The following COL22A1 variants were observed in gnomAD, a reference collection of about 807,000 sequenced individuals.
The protein encoded by COL22A1 is collagen alpha-1(XXII) chain.
A neutral mutation model predicts 248.9 loss-of-function variants in COL22A1; 221 were observed. The observed-to-expected ratio is 0.89, with a 90% CI of 0.80 to 0.99. The LOEUF (loss-of-function observed/expected upper bound fraction) is 0.99. Ranked by LOEUF, COL22A1 falls within the 50% of genes least tolerant of loss-of-function variation. COL22A1 has a pLI of 0.00. For missense variants in COL22A1, 2,240 were observed against 2,179.0 expected (o/e 1.03, Z -0.56); for synonymous variants, 891 against 793.4 (o/e 1.12, Z -2.07).
intron 34 of COL22A1, 144 bp from the exon 35 acceptor site, chr8:138,693,843 G>A: frequency 1.2e-6 from 1 of 804,926 alleles, no homozygotes. Flanking sequence ...TCTAAAAGGT[G>A]AAGAAAATCA....
At chr8:138,771,819 G>C (rs904483045) in intron 16 of COL22A1, among the ~76,000 whole-genome samples, 1 of 152,220 alleles carries the variant, frequency 6.6e-6, no homozygotes, top group Non-Finnish European at 1.5e-5. Context: ...TGTGGCAGCT[G>C]TCCCAGTGGC....
At chr8:138,840,482 A>G (rs1218317976) in intron 4 of COL22A1, among the ~76,000 whole-genome samples, 1 of 151,990 alleles carries the variant, frequency 6.6e-6, no homozygotes, top group East Asian at 1.9e-4. Flanking sequence ...GATCCTCCAC[A>G]TATGTCGTAG....
chr8:138,819,907 T>C (rs1280904027), intron 7 of COL22A1, among the ~76,000 whole-genome samples: 1 of 151,942 alleles, frequency 6.6e-6, no homozygotes, highest in Non-Finnish European at 1.5e-5. Flanking sequence ...TTAATCTATA[T>C]CTCAAGCTTA....
chr8:138,652,939 GT>G (rs2130588532), intron 45 of COL22A1, among the ~76,000 whole-genome samples: 1 of 151,750 alleles, frequency 6.6e-6, no homozygotes, highest in Non-Finnish European at 1.5e-5. Flanking sequence ...TAGAGACGGG[GT>G]TTTCCCAAGT....
intron 23 of COL22A1, among the ~76,000 whole-genome samples, chr8:138,735,127 T>A (rs1476311335): frequency 6.6e-6 from 1 of 152,174 alleles, no homozygotes; most frequent in East Asian, 1.9e-4. Context: ...GGTACATGCA[T>A]ACCTACGTAA....
chr8:138,902,727 T>TAA (rs1814684484), intron 1 of COL22A1, among the ~76,000 whole-genome samples: 1 of 83,892 alleles, frequency 1.2e-5, no homozygotes, highest in African/African-American at 5.5e-5. Flanking sequence ...AATTTATAAA[T>TAA]ATATATATAT....
At chr8:138,761,185 T>G (rs1003415914) in intron 17 of COL22A1, among the ~76,000 whole-genome samples, 5 of 152,154 alleles carry the variant, frequency 3.3e-5, no homozygotes, top group Non-Finnish European at 2.9e-5. Context: ...TGTGCTGGGT[T>G]ATTGTTTTTT....
At chr8:138,885,569 GT>G (rs35187277) in intron 1 of COL22A1, among the ~76,000 whole-genome samples, 2 of 151,732 alleles carry the variant, frequency 1.3e-5, no homozygotes, top group African/African-American at 4.8e-5. Context: ...GTATCACACA[GT>G]TTTTTTTGTT....
In COL22A1 at chr8:138,591,459, C is replaced by T. The variant is rs1817041984; in HGVS notation, c.4658G>A (p.Gly1553Asp). The change falls in exon 64 of 65, where the codon GGC becomes GAC. Residue 1553 changes from glycine to aspartate, a missense_variant. Transcript: ENST00000303045. ...AGGGGGTCCCATCTCGCCTCGGAGG[C>T]CAACTCCAGGTGCACCTGGGTCACC... ...AKGDPGAPGV[G>D]LRGEMGPPGI... is the part of the protein sequence containing the mutation. 2 of 1,580,310 alleles carry T rather than the reference C, an allele frequency of 1.3e-6. No homozygotes were observed. Among genetic ancestry groups the T allele is most frequent in the Non-Finnish European group, 1.7e-6 (2 of 1,163,048 alleles).
At chr8:138,775,453 A>G (rs1814350543) in intron 16 of COL22A1, among the ~76,000 whole-genome samples, 1 of 152,174 alleles carries the variant, frequency 6.6e-6, no homozygotes, top group Non-Finnish European at 1.5e-5. Context: ...TTGCATGGCA[A>G]TCTACATTTA....
chr8:138,701,828 G>A (rs79739380), intron 31 of COL22A1, among the ~76,000 whole-genome samples: 6,585 of 152,280 alleles, frequency 0.043, 193 homozygotes, highest in East Asian at 0.12. Context: ...CTTTCAATAT[G>A]CAGTGATTGA....
At chr8:138,639,847 G>T (rs1196152213) in intron 47 of COL22A1, among the ~76,000 whole-genome samples, 2 of 152,214 alleles carry the variant, frequency 1.3e-5, no homozygotes, top group Admixed American at 1.3e-4. Flanking sequence ...AACTTCAGCA[G>T]ATGCCTGGCT....
intron 42 of COL22A1, 53 bp downstream of exon 42, chr8:138,663,652 C>A (rs1447918686): frequency 8.0e-6 from 11 of 1,367,906 alleles, no homozygotes; most frequent in Non-Finnish European, 1.0e-5. Context: ...TGCTTTGATT[C>A]GAGCAGGATT....
At chr8:138,773,445 G>A (rs1041150165) in intron 16 of COL22A1, among the ~76,000 whole-genome samples, 11 of 152,188 alleles carry the variant, frequency 7.2e-5, no homozygotes, top group African/African-American at 2.4e-4. Flanking sequence ...CTTTGGAGTG[G>A]GGGGTCCCAC....
intron 1 of COL22A1, among the ~76,000 whole-genome samples, chr8:138,890,877 G>A (rs1825016074): frequency 6.6e-6 from 1 of 151,766 alleles, no homozygotes; most frequent in Non-Finnish European, 1.5e-5. Context: ...AAAAAAACTA[G>A]CCGGGCATGG....
At chr8:138,665,223 A>T (rs1446425283) in intron 41 of COL22A1, among the ~76,000 whole-genome samples, 1 of 152,234 alleles carries the variant, frequency 6.6e-6, no homozygotes, top group African/African-American at 2.4e-5. Context: ...ATCTACACAG[A>T]CCTGCCCTGG....
chr8:138,678,994 C>A (rs972006824), intron 40 of COL22A1, among the ~76,000 whole-genome samples: 3 of 152,166 alleles, frequency 2.0e-5, no homozygotes, highest in Non-Finnish European at 1.5e-5. Flanking sequence ...TGGCTCACTG[C>A]AGCTTTGACC....
intron 41 of COL22A1, among the ~76,000 whole-genome samples, chr8:138,664,194 TGCGCGCGC>T (rs150972699): frequency 0.013 from 1,078 of 85,354 alleles, 23 homozygotes; most frequent in African/African-American, 0.039. Context: ...CAACAAGGGG[TGCGCGCGC>T]GCGCGCGCAC....
chr8:138,605,398 T>A (rs539347871), intron 58 of COL22A1, among the ~76,000 whole-genome samples: 2 of 151,908 alleles, frequency 1.3e-5, no homozygotes, highest in Admixed American at 6.6e-5. Context: ...TCCACAGGAG[T>A]GGGTGCCTGG....
Sources: gnomAD v4.1 joint callset for allele counts (sites outside exome capture counted in the v4.1 genomes callset) on GRCh38, gnomAD v4.1.1 for gene constraint, MANE v1.5 for transcripts, NCBI Gene and HGNC (gene_info 2026-07-23, HGNC 2026-07-21) for gene names.